Variants in CLDN14 observed in about 807,000 individuals in gnomAD.
CLDN14 encodes the protein claudin 14.
A neutral mutation model predicts 2.1 loss-of-function variants in CLDN14; 2 were observed. The ratio of observed to expected loss-of-function variants is 0.96; its 90% confidence interval spans 0.39 to 3.01. The LOEUF (loss-of-function observed/expected upper bound fraction) is 3.01. Among genes scored for constraint, CLDN14 ranks in the 30% most tolerant of loss-of-function variants. The pLI is 0.09. For synonymous variants in CLDN14, 136 were observed against 154.4 expected (o/e 0.88, Z 0.88); for missense variants, 298 against 328.0 (o/e 0.91, Z 0.71).
At chr21:36,489,134 ATATAT>A (rs1568855494) in intron 2 of CLDN14, among the ~76,000 whole-genome samples, 203 of 85,646 alleles carry the variant, frequency 2.4e-3, no homozygotes, top group Non-Finnish European at 4.1e-3. Flanking sequence ...AAAAAAAAAT[ATATAT>A]ATATATATAT....
Position 36,492,440 on chromosome 21 carries a change from CAAAAAAAAAAAA to C in CLDN14, c.-82+17911_-82+17922del, listed in dbSNP as rs58666814. Among the ~76,000 whole-genome samples, 24 of 67,908 alleles carry C rather than the reference CAAAAAAAAAAAA, an allele frequency of 3.5e-4. 3 individuals are homozygous for C. Among genetic ancestry groups the C allele is most frequent in the African/African-American group, 9.3e-4 (14 of 15,036 alleles). 44.6% of individuals were successfully genotyped at this position (67,908 alleles called of 152,430 possible). A position where few individuals can be genotyped will look rare whatever the true frequency, so the allele number is the denominator to read the frequency against. ...TGGGCGACAGAGCGAGACTCCGTCC[CAAAAAAAAAAAA>C]AAAAAAAAAAAAAAAATGCAAAAAT... On this transcript the variant is annotated intron_variant, in intron 2 of 2. Coordinates refer to the CLDN14 transcript ENST00000342108.
intron 1 of CLDN14, among the ~76,000 whole-genome samples, chr21:36,530,380 T>C (rs1032816113): frequency 1.3e-5 from 2 of 152,268 alleles, no homozygotes; most frequent in African/African-American, 4.8e-5. Flanking sequence ...GCAGTGACTC[T>C]GCCTTCTCTC....
intron 2 of CLDN14, among the ~76,000 whole-genome samples, chr21:36,490,391 T>A (rs1393927796): frequency 4.3e-5 from 6 of 138,186 alleles, no homozygotes; most frequent in African/African-American, 1.7e-4. Flanking sequence ...TTTAATTTTT[T>A]TTTTTTTTTT....
intron 2 of CLDN14, among the ~76,000 whole-genome samples, chr21:36,493,539 C>A (rs187805904): frequency 1.6e-3 from 243 of 152,180 alleles, no homozygotes; most frequent in Admixed American, 3.5e-3. Flanking sequence ...CCAGAAAACT[C>A]AGGACACTGC....
intron 1 of CLDN14, among the ~76,000 whole-genome samples, chr21:36,545,158 T>C (rs896460061): frequency 6.6e-6 from 1 of 152,230 alleles, no homozygotes; most frequent in African/African-American, 2.4e-5. Flanking sequence ...ATTCTCCACT[T>C]AAACCAGAGC....
At chr21:36,467,991 T>C (rs1312026840) in intron 1 of CLDN14, among the ~76,000 whole-genome samples, 1 of 152,212 alleles carries the variant, frequency 6.6e-6, no homozygotes, top group Non-Finnish European at 1.5e-5. Context: ...CCAGTGCCTT[T>C]TGCCTGCCAT....
intron 1 of CLDN14, among the ~76,000 whole-genome samples, chr21:36,518,987 A>G (rs1168223478): frequency 6.6e-6 from 1 of 152,206 alleles, no homozygotes; most frequent in African/African-American, 2.4e-5. Flanking sequence ...GTGAAAAGCC[A>G]GAAGCTTCTC....
At chr21:36,550,762 T>G (rs2087558188) in intron 1 of CLDN14, among the ~76,000 whole-genome samples, 1 of 152,172 alleles carries the variant, frequency 6.6e-6, no homozygotes, top group African/African-American at 2.4e-5. Flanking sequence ...GCTCACTGTC[T>G]AATGCCGGCA....
intron 1 of CLDN14, among the ~76,000 whole-genome samples, chr21:36,563,283 A>G (rs1770153281): frequency 6.6e-6 from 1 of 152,174 alleles, no homozygotes; most frequent in Admixed American, 6.5e-5. Context: ...ATCTCCGTGC[A>G]TTATTGGGGT....
chr21:36,488,374 C>T (rs1013410536), intron 2 of CLDN14, among the ~76,000 whole-genome samples: 2 of 151,946 alleles, frequency 1.3e-5, no homozygotes, highest in Non-Finnish European at 2.9e-5. Flanking sequence ...TGGGTTCAAG[C>T]GATTCTCCTG....
In CLDN14 at chr21:36,461,159, G is replaced by T. The variant is rs2086564775; in HGVS notation, c.537C>A (p.Thr179=). The T allele has an allele frequency of 6.2e-7, 1 of 1,613,764 alleles. No homozygotes were observed. The highest frequency in any genetic ancestry group is 1.1e-5 in the South Asian group (1 of 91,088). The change falls in exon 2 of 2, where the codon ACC becomes ACA. Residue 179 remains threonine, a synonymous_variant. Coordinates refer to ENST00000399135, the MANE Select transcript of CLDN14 (RefSeq NM_001146079.2). ...CGTCCTGGCAGGACAGGCAAAGCAG[G>T]GTGCCACCAATGAGCGAGAGGGACG... ...ISSSLSLIGG[T]LLCLSCQDEA...
intron 1 of CLDN14, among the ~76,000 whole-genome samples, chr21:36,559,687 G>T (rs376519): frequency 0.75 from 113,521 of 152,136 alleles, 43,938 homozygotes; most frequent in Non-Finnish European, 0.87. Context: ...CTGCAATTGT[G>T]CATTTTAACA....
Position 36,524,778 on chromosome 21 carries a change from G to A in CLDN14, c.-219-14278C>T, listed in dbSNP as rs111701033. The stretch of plus-strand genomic sequence containing the variant: ...GAGAATGGGAAACTGGACCCATGTG[G>A]AGGTGTCCTGCCTGGTATGCTCTGC... On this transcript the variant is annotated intron_variant, in intron 1 of 2. Coordinates refer to the CLDN14 transcript ENST00000342108. Among the ~76,000 whole-genome samples the A allele has an allele frequency of 4.7e-3, 720 of 152,324 alleles. 5 individuals carry two copies. Among genetic ancestry groups the A allele is most frequent in the African/African-American group, 0.016 (680 of 41,584 alleles).
intron 1 of CLDN14, among the ~76,000 whole-genome samples, chr21:36,479,226 C>T (rs2086815226): frequency 6.6e-6 from 1 of 152,162 alleles, no homozygotes; most frequent in Non-Finnish European, 1.5e-5. Flanking sequence ...AAGAGTTCTG[C>T]CCAAACACTC....
Position 36,498,243 on chromosome 21 carries a change from C to T in CLDN14, c.-82+12120G>A, listed in dbSNP as rs550840322. On this transcript the variant is annotated intron_variant, in intron 2 of 2. Transcript: ENST00000342108. This position sits in a 1 kb window ranked among gnomAD's most constrained non-coding sequence, Gnocchi z 4.9. ...GTCGAACTCCTGACCTCAGGCGGTC[C>T]ACCTGCCTTGGCCTCCCAAAGTGCT... Among the ~76,000 whole-genome samples the T allele has an allele frequency of 1.3e-5, 2 of 152,268 alleles. No individual in the cohort carries two copies. The highest frequency in any genetic ancestry group is 2.9e-5 in the Non-Finnish European group (2 of 68,016).
At chr21:36,471,458 C>G (rs1411371993) in intron 1 of CLDN14, among the ~76,000 whole-genome samples, 1 of 152,156 alleles carries the variant, frequency 6.6e-6, no homozygotes, top group African/African-American at 2.4e-5. Flanking sequence ...TGGGGGGGCT[C>G]ATGTCTCCAG....
intron 1 of CLDN14, chr21:36,526,443 A>C (rs1398313231): frequency 6.6e-6 from 1 of 152,226 alleles, no homozygotes. Context: ...GGACCAGACC[A>C]GAACTCAGAA....
chr21:36,520,832 G>A (rs554796524), intron 1 of CLDN14, among the ~76,000 whole-genome samples: 3 of 152,022 alleles, frequency 2.0e-5, no homozygotes, highest in South Asian at 2.1e-4. Context: ...CATCTCTCTC[G>A]AAGGCCAGTC....
intron 1 of CLDN14, among the ~76,000 whole-genome samples, chr21:36,467,610 G>A (rs1045321294): frequency 1.3e-5 from 2 of 151,910 alleles, no homozygotes; most frequent in African/African-American, 4.8e-5. Flanking sequence ...TAAAGGCGGT[G>A]GTGGGGGGTG....
Sources: allele counts gnomAD v4.1 joint callset (sites outside exome capture counted in the v4.1 genomes callset), GRCh38; gene constraint gnomAD v4.1.1; non-coding constraint Gnocchi (gnomAD v3.1); transcripts MANE v1.5; gene names NCBI Gene and HGNC (gene_info 2026-07-23, HGNC 2026-07-21).